The following CLASP1 variants were observed in gnomAD, a reference collection of about 807,000 sequenced individuals.
CLASP1 encodes the protein cytoplasmic linker associated protein 1.
In CLASP1, 38 loss-of-function variants were observed where a neutral mutation model predicts 192.3. The ratio of observed to expected loss-of-function variants is 0.20; its 90% CI spans 0.15 to 0.26. The LOEUF is 0.26. Ranked by LOEUF, CLASP1 falls within the 10% of genes least tolerant of loss-of-function variation. The pLI is 1.00. For missense variants in CLASP1, 1,433 were observed against 1,932.5 expected (o/e 0.74, Z 4.85); for synonymous variants, 691 against 712.8 (o/e 0.97, Z 0.49).
intron 23 of CLASP1, among the ~76,000 whole-genome samples, chr2:121,413,767 G>C (rs775377930): frequency 2.0e-5 from 3 of 152,150 alleles, no homozygotes; most frequent in Admixed American, 2.0e-4. Context: ...AGTTTATTTG[G>C]AGTAAAGACT....
intron 34 of CLASP1, among the ~76,000 whole-genome samples, chr2:121,374,819 T>C (rs2069620638): frequency 6.6e-6 from 1 of 152,262 alleles, no homozygotes; most frequent in Admixed American, 6.5e-5. Flanking sequence ...CTAATGCCTG[T>C]AGTTCCACTG....
chr2:121,470,293 C>A (rs1172852323), intron 8 of CLASP1: 1 of 306,462 alleles, frequency 3.3e-6, no homozygotes, highest in Non-Finnish European at 6.0e-6. Flanking sequence ...ACCATCCATG[C>A]TTTTTTTTTT....
At chr2:121,569,536 T>C (rs915650786) in intron 2 of CLASP1, among the ~76,000 whole-genome samples, 1 of 151,520 alleles carries the variant, frequency 6.6e-6, no homozygotes, top group South Asian at 2.1e-4. Flanking sequence ...TGACAAGTGA[T>C]AGAACCCAAT....
chr2:121,580,365 A>G (rs1169624927), intron 2 of CLASP1, among the ~76,000 whole-genome samples: 5 of 152,236 alleles, frequency 3.3e-5, no homozygotes, highest in African/African-American at 1.2e-4. Context: ...AGAAAATTTT[A>G]AAATTTCTCT....
chr2:121,409,590 C>A, intron 24 of CLASP1, among the ~76,000 whole-genome samples: 1 of 152,182 alleles, frequency 6.6e-6, no homozygotes, highest in Non-Finnish European at 1.5e-5. Context: ...CACACAGTCC[C>A]TTATGCAGTT....
At chr2:121,345,341 A>G (rs923938804) in intron 39 of CLASP1, among the ~76,000 whole-genome samples, 38 of 152,274 alleles carry the variant, frequency 2.5e-4, no homozygotes, top group Middle Eastern at 3.4e-3. Flanking sequence ...TCAATTGCCA[A>G]ATGGGGAGGA....
chr2:121,397,048 G>A, intron 30 of CLASP1, 92 bp downstream of exon 31: 1 of 1,262,762 alleles, frequency 7.9e-7, no homozygotes, highest in East Asian at 2.3e-5. Context: ...AGGTTTGTGG[G>A]TGGGTGGCAC....
intron 14 of CLASP1, among the ~76,000 whole-genome samples, chr2:121,455,722 C>T (rs897358115): frequency 2.0e-5 from 3 of 152,042 alleles, no homozygotes; most frequent in African/African-American, 4.8e-5. Context: ...TAGCTGGGGG[C>T]GTGGTGGCGG....
At chr2:121,402,705 C>A (rs750641500) in intron 26 of CLASP1, 7 of 514,418 alleles carry the variant, frequency 1.4e-5, no homozygotes, top group Non-Finnish European at 2.3e-5. Flanking sequence ...TGTTCTAAAC[C>A]ATCTAATAGT....
At chr2:121,548,649 A>G (rs1459362950) in intron 2 of CLASP1, among the ~76,000 whole-genome samples, 1 of 152,178 alleles carries the variant, frequency 6.6e-6, no homozygotes, top group African/African-American at 2.4e-5. Context: ...AGGATGTTAA[A>G]GGCAGCTAGA....
intron 20 of CLASP1, 127 bp downstream of exon 20, chr2:121,429,944 CAG>C: frequency 1.5e-6 from 1 of 658,618 alleles, no homozygotes; most frequent in South Asian, 2.0e-5. Context: ...AGATTACTCA[CAG>C]TATCTCAGAG....
intron 36 of CLASP1, chr2:121,364,826 AG>A: frequency 4.3e-6 from 2 of 468,230 alleles, no homozygotes; most frequent in Non-Finnish European, 7.8e-6. Context: ...TCTGTGTTAA[AG>A]CAACTAGATG....
intron 34 of CLASP1, among the ~76,000 whole-genome samples, chr2:121,373,174 A>T (rs1396713975): frequency 6.6e-6 from 1 of 152,166 alleles, no homozygotes; most frequent in African/African-American, 2.4e-5. Flanking sequence ...ATAGTGAGTG[A>T]GTTCTCATAA....
At position 121,551,951 on chromosome 2, in the gene CLASP1, T is replaced by C. The variant is rs560097812; in HGVS notation, c.196-21626A>G. On this transcript the variant is annotated intron_variant, in intron 2 of 39. Coordinates refer to ENST00000263710, the Ensembl canonical transcript of CLASP1. ...CATCACATTACCTGAGTTCAAACTA[T>C]ACTACAGTAACCAAAACAGCATGCT... is the stretch of plus-strand genomic sequence containing the variant. 2.0e-5 allele frequency among the ~76,000 whole-genome samples: 3 copies of C among 152,030 alleles called. No individual in the cohort carries two copies. In the South Asian group the frequency reaches 6.2e-4, roughly 32 times the overall value.
chr2:121,417,548 G>A (rs2078807425), intron 23 of CLASP1, among the ~76,000 whole-genome samples: 1 of 152,074 alleles, frequency 6.6e-6, no homozygotes, highest in Non-Finnish European at 1.5e-5. Context: ...AATAGGTAAG[G>A]TGCCCCACTC....
intron 24 of CLASP1, among the ~76,000 whole-genome samples, chr2:121,410,548 T>C (rs2077547456): frequency 1.3e-5 from 2 of 151,360 alleles, no homozygotes; most frequent in Non-Finnish European, 2.9e-5. Flanking sequence ...AAAAAAAACA[T>C]GGTTAAAAAG....
intron 19 of CLASP1, among the ~76,000 whole-genome samples, chr2:121,443,268 T>C (rs1392394718): frequency 2.1e-5 from 3 of 145,536 alleles, no homozygotes; most frequent in Non-Finnish European, 4.5e-5. Flanking sequence ...CTCAGGACTG[T>C]GGAACTGGTG....
At chr2:121,626,585 TTTTTTG>T (rs1259909351) in intron 1 of CLASP1, among the ~76,000 whole-genome samples, 1 of 152,160 alleles carries the variant, frequency 6.6e-6, no homozygotes, top group African/African-American at 2.4e-5. Context: ...TGATTCCTTT[TTTTTTG>T]TTTTGTTTTG....
chr2:121,403,960 G>A (rs1559055637), intron 26 of CLASP1, among the ~76,000 whole-genome samples: 3 of 152,020 alleles, frequency 2.0e-5, no homozygotes, highest in South Asian at 4.2e-4. Context: ...TGTCCTATAC[G>A]GACATATTCT....
Sources: allele counts gnomAD v4.1 joint callset (sites outside exome capture counted in the v4.1 genomes callset), GRCh38; gene constraint gnomAD v4.1.1; transcripts MANE v1.5; gene names NCBI Gene and HGNC (gene_info 2026-07-23, HGNC 2026-07-21).